Variants in ROBO1 observed in about 807,000 individuals in gnomAD.
ROBO1 encodes roundabout guidance receptor 1.
A neutral mutation model predicts 195.9 loss-of-function variants in ROBO1; 149 were observed. The ratio of observed to expected loss-of-function variants is 0.76; its 90% CI spans 0.67 to 0.87. The LOEUF (loss-of-function observed/expected upper bound fraction) is 0.87, where lower values mean the gene tolerates loss of function less well. Among genes scored for constraint, ROBO1 ranks in the 40% least tolerant of loss-of-function variants. The probability of loss-of-function intolerance (pLI) is 0.00; values close to 1 mark genes in which losing one functional copy is unlikely to be tolerated. For missense variants in ROBO1, 1,933 were observed against 2,068.3 expected (o/e 0.93, Z 1.27); for synonymous variants, 816 against 733.2 (o/e 1.11, Z -1.82).
intron 2 of ROBO1, among the ~76,000 whole-genome samples, chr3:79,187,931 C>T (rs1285892622): frequency 6.6e-6 from 1 of 151,928 alleles, no homozygotes; most frequent in African/African-American, 2.4e-5. Context: ...GCTCCTAACT[C>T]CCTGTGTGAT....
chr3:78,804,765 GA>G (rs36051020), intron 4 of ROBO1, among the ~76,000 whole-genome samples: 71,073 of 137,846 alleles, frequency 0.52, 17,944 homozygotes, highest in East Asian at 0.69. Flanking sequence ...CAAAAGGAAA[GA>G]AAAAAAAAAT....
chr3:79,572,792 G>T (rs760743558), intron 2 of ROBO1, among the ~76,000 whole-genome samples: 2 of 152,170 alleles, frequency 1.3e-5, no homozygotes, highest in Non-Finnish European at 2.9e-5. Context: ...TATCTGAAAT[G>T]TAATTTTTGT....
intron 2 of ROBO1, among the ~76,000 whole-genome samples, chr3:79,301,031 C>G (rs193271990): frequency 7.2e-5 from 11 of 152,164 alleles, no homozygotes; most frequent in African/African-American, 2.2e-4. Context: ...GCAGGCTGCC[C>G]GAGCCAGCAG....
At chr3:79,619,374 T>G (rs1007680721) in intron 1 of ROBO1, among the ~76,000 whole-genome samples, 3 of 152,110 alleles carry the variant, frequency 2.0e-5, no homozygotes, top group African/African-American at 7.2e-5. Context: ...CTCAAGAACT[T>G]AAAACCTCCT....
intron 4 of ROBO1, among the ~76,000 whole-genome samples, chr3:78,865,806 T>C (rs762833165): frequency 2.0e-5 from 3 of 152,204 alleles, no homozygotes; most frequent in Non-Finnish European, 2.9e-5. Flanking sequence ...ATATAACATA[T>C]TGTCTTGTAT....
chr3:79,317,633 C>T lies in ROBO1; in HGVS notation c.89-192094G>A, dbSNP rs572020025. ...CTGTTACCGTGTATCTTGATTATAA[C>T]GTCTAATGTTAGCTGGACCTAGATC... On this transcript the variant is annotated intron_variant, in intron 2 of 30. Transcript: ENST00000464233. Among the ~76,000 whole-genome samples, 68 of 152,108 alleles carry T rather than the reference C, an allele frequency of 4.5e-4. No individual in the cohort carries two copies. The South Asian group carries it at 6.0e-3, about 13-fold the overall frequency.
chr3:79,714,853 T>G (rs1576272665), intron 1 of ROBO1, among the ~76,000 whole-genome samples: 22 of 89,596 alleles, frequency 2.5e-4, no homozygotes, highest in South Asian at 3.3e-4. Flanking sequence ...TGTTGTGGGG[T>G]GGGGGGAGGG....
At chr3:78,611,348 T>C (rs576197693) in intron 28 of ROBO1, among the ~76,000 whole-genome samples, 233 of 152,246 alleles carry the variant, frequency 1.5e-3, no homozygotes, top group African/African-American at 5.2e-3. Flanking sequence ...GTAAATGCAT[T>C]AGAGAGGTTG....
intron 2 of ROBO1, among the ~76,000 whole-genome samples, chr3:79,266,642 G>C (rs1025500118): frequency 2.0e-5 from 3 of 151,496 alleles, no homozygotes; most frequent in East Asian, 1.9e-4. Context: ...AACACAAACT[G>C]TTACCTGATA....
At chr3:79,173,342 AG>A (rs2081200367) in intron 2 of ROBO1, among the ~76,000 whole-genome samples, 1 of 152,002 alleles carries the variant, frequency 6.6e-6, no homozygotes, top group Non-Finnish European at 1.5e-5. Flanking sequence ...GTGGAGGGAG[AG>A]GCGCGAGTGG....
At chr3:78,887,342 G>A (rs1212493268) in intron 4 of ROBO1, among the ~76,000 whole-genome samples, 1 of 152,120 alleles carries the variant, frequency 6.6e-6, no homozygotes, top group Non-Finnish European at 1.5e-5. Context: ...TACTAGCCTT[G>A]AGTCTACAAT....
intron 3 of ROBO1, among the ~76,000 whole-genome samples, chr3:79,001,711 G>A (rs2077508856): frequency 6.6e-6 from 1 of 151,896 alleles, no homozygotes; most frequent in South Asian, 2.1e-4. Flanking sequence ...ATGTTTCTCA[G>A]CAATCTCAAA....
At chr3:79,019,283 C>A (rs2078043395) in intron 3 of ROBO1, 1 of 985,772 alleles carries the variant, frequency 1.0e-6, no homozygotes, top group Non-Finnish European at 1.2e-6. Flanking sequence ...CTGCCTGCAC[C>A]CCTGGCTCGT....
At chr3:79,061,029 G>T (rs564899374) in intron 3 of ROBO1, among the ~76,000 whole-genome samples, 2 of 152,002 alleles carry the variant, frequency 1.3e-5, no homozygotes, top group Non-Finnish European at 2.9e-5. Context: ...ATAAATAAAG[G>T]GTATTTGGTT....
intron 2 of ROBO1, among the ~76,000 whole-genome samples, chr3:79,226,642 G>A (rs1032228506): frequency 1.3e-5 from 2 of 151,430 alleles, no homozygotes; most frequent in African/African-American, 4.9e-5. Context: ...CTGGGCTCAA[G>A]CGATCCTCCC....
intron 2 of ROBO1, among the ~76,000 whole-genome samples, chr3:79,243,841 C>T (rs1442446447): frequency 1.3e-5 from 2 of 152,108 alleles, no homozygotes; most frequent in East Asian, 1.9e-4. Context: ...TTAATTAGAT[C>T]CCATTTGTCA....
Position 78,801,807 on chromosome 3 carries a change from G to GGATATTCT in ROBO1, c.500-54915_500-54908dup, listed in dbSNP as rs1303266368. ...ATGCCTCTAAATAATTTACAAACAG[G>GGATATTCT]GATATTCTGAAAACATTTTGTGGGA... is the stretch of plus-strand genomic sequence containing the variant. On this transcript the variant is annotated intron_variant, in intron 4 of 30. Transcript: ENST00000464233. Among the ~76,000 whole-genome samples the GGATATTCT allele has an allele frequency of 2.0e-5, 3 of 152,022 alleles. No individual in the cohort carries two copies. The East Asian group carries it at 5.8e-4, about 29-fold the overall frequency.
At chr3:79,344,330 A>G (rs2035024933) in intron 2 of ROBO1, among the ~76,000 whole-genome samples, 1 of 152,120 alleles carries the variant, frequency 6.6e-6, no homozygotes, top group Admixed American at 6.6e-5. Context: ...AGCTGCTGTT[A>G]CCTAGCAGAT....
intron 2 of ROBO1, among the ~76,000 whole-genome samples, chr3:79,495,682 T>A (rs1176136281): frequency 2.6e-5 from 4 of 152,208 alleles, no homozygotes; most frequent in Admixed American, 2.6e-4. Context: ...AAAATGATAC[T>A]TTCCAAAACT....
Sources: allele counts gnomAD v4.1 joint callset (sites outside exome capture counted in the v4.1 genomes callset), GRCh38; gene constraint gnomAD v4.1.1; transcripts MANE v1.5; gene names NCBI Gene and HGNC (gene_info 2026-07-23, HGNC 2026-07-21).